SCIN: variants seen among roughly 807,000 people sequenced by gnomAD.
SCIN encodes adseverin.
A neutral mutation model predicts 91.8 loss-of-function variants in SCIN; 91 were observed. That is an observed-to-expected ratio of 0.99 (90% CI 0.84 to 1.18). SCIN has a LOEUF of 1.18. SCIN is among the 50% of genes most tolerant of loss of function. The pLI, the probability that SCIN is intolerant of heterozygous loss-of-function variation, is 0.00. For synonymous variants in SCIN, 367 were observed against 312.6 expected (o/e 1.17, Z -1.84); for missense variants, 1,087 against 863.9 (o/e 1.26, Z -3.24).
At chr7:12,587,946 G>A (rs1031056615) in intron 3 of SCIN, among the ~76,000 whole-genome samples, 5 of 152,140 alleles carry the variant, frequency 3.3e-5, no homozygotes, top group Non-Finnish European at 4.4e-5. Flanking sequence ...ACCAGCTTTC[G>A]AAACAGCATC....
intron 2 of SCIN, among the ~76,000 whole-genome samples, chr7:12,579,865 G>A (rs1208569084): frequency 6.6e-6 from 1 of 152,152 alleles, no homozygotes; most frequent in Non-Finnish European, 1.5e-5. Context: ...AGTGAGGCGA[G>A]GTCATGCCAT....
chr7:12,602,015 G>T (rs182101758), intron 3 of SCIN, among the ~76,000 whole-genome samples: 1 of 152,276 alleles, frequency 6.6e-6, no homozygotes, highest in African/African-American at 2.4e-5. Flanking sequence ...CTTAATCTCA[G>T]GGTCCTGGGT....
At position 12,625,084 on chromosome 7, in the gene SCIN, G is replaced by A; in HGVS notation, c.834G>A (p.Leu278=). Residue 278 remains leucine (L), a synonymous_variant, in exon 6 of 16, where the codon CTG becomes CTA. Coordinates refer to ENST00000297029, the MANE Select transcript of SCIN (RefSeq NM_001112706.3). The stretch of plus-strand genomic sequence containing the variant: ...ACCCCTTCTCAATGGCAATGCTGCT[G>A]TCTGAAGAATGCTTTATTTTGGACC... ...EENPFSMAML[L]SEECFILDHG... 1.9e-6 allele frequency: 3 copies of A among 1,606,154 alleles called. No individual in the cohort carries two copies. The South Asian group carries it at 3.4e-5, about 18-fold the overall frequency.
intron 3 of SCIN, among the ~76,000 whole-genome samples, chr7:12,582,722 T>A (rs958287679): frequency 6.6e-6 from 1 of 152,098 alleles, no homozygotes; most frequent in Non-Finnish European, 1.5e-5. Flanking sequence ...ATACACATAC[T>A]GTTCCACCCT....
chr7:12,631,441 T>A (rs1783641301), intron 9 of SCIN, among the ~76,000 whole-genome samples: 1 of 152,206 alleles, frequency 6.6e-6, no homozygotes, highest in Non-Finnish European at 1.5e-5. Context: ...TAAATATTTG[T>A]ACCCTCTAGA....
chr7:12,651,957 G>A lies in SCIN; in HGVS notation c.2020+56G>A. The A allele has an allele frequency of 8.2e-7, 1 of 1,225,466 alleles. No individual in the cohort carries two copies. The highest frequency in any genetic ancestry group is 2.0e-5 in the Admixed American group (1 of 49,372). The allele number at this position is 1,225,466 out of a possible 1,614,324, so 75.9% of individuals were successfully genotyped here. On this transcript the variant is annotated intron_variant, in intron 15 of 15. Transcript: ENST00000297029. The surrounding 1 kb of genome is among the most constrained non-coding windows in gnomAD (Gnocchi z 5.9). Reference sequence around the variant, plus strand: ...TAACCGGGCACCATTATGACCGAGTGTCTGGCTTGCTCTTTGCCACCATGT... The same window carrying A: ...TAACCGGGCACCATTATGACCGAGTATCTGGCTTGCTCTTTGCCACCATGT...
intron 10 of SCIN, among the ~76,000 whole-genome samples, chr7:12,637,559 TGAGAC>T (rs1783776599): frequency 7.5e-6 from 1 of 133,478 alleles, no homozygotes; most frequent in Non-Finnish European, 1.6e-5. Flanking sequence ...GAGGAAGAAA[TGAGAC>T]AAGTAAGGAG....
At chr7:12,588,808 T>TGGGGGGGGG (rs1184493769) in intron 3 of SCIN, 1 of 7,974 alleles carries the variant, frequency 1.3e-4, no homozygotes, top group African/African-American at 1.2e-3. Flanking sequence ...CTGCATTGGG[T>TGGGGGGGGG]GGGGGGGGGG....
Position 12,644,643 on chromosome 7 carries a change from AC to A in SCIN, c.1822del (p.Gln608ArgfsTer33). ...KDYQTSPLLE[T>X]QAEDHPPRLY... Reference sequence around the variant, plus strand: ...CTACCAGACCTCACCACTACTGGAAACCCAGGCTGAAGACCATCCACCTCGG... The same window carrying A: ...CTACCAGACCTCACCACTACTGGAAACCAGGCTGAAGACCATCCACCTCGG... On this transcript the variant is annotated frameshift_variant, in exon 13 of 16. Coordinates refer to ENST00000297029, the MANE Select transcript of SCIN (RefSeq NM_001112706.3). LOFTEE classifies it high-confidence loss of function. 1 of 1,603,534 alleles carries A rather than the reference AC, an allele frequency of 6.2e-7. No homozygotes were observed. The highest frequency in any genetic ancestry group is 8.5e-7 in the Non-Finnish European group (1 of 1,174,728).
In SCIN at chr7:12,604,506, T is replaced by C. The variant is rs1783030132; in HGVS notation, c.517-8T>C. 1.3e-6 allele frequency: 2 copies of C among 1,551,328 alleles called. No homozygotes were observed. Among genetic ancestry groups the C allele is most frequent in the Admixed American group, 3.9e-5 (2 of 50,976 alleles). On this transcript the variant is annotated splice_polypyrimidine_tract_variant and splice_region_variant and intron_variant, in intron 3 of 15. Coordinates refer to ENST00000297029, the MANE Select transcript of SCIN (RefSeq NM_001112706.3). ...CTTAGGGTCAACAGATCTGTCTCTTTCTTTTAGGAAATTTATCAGTGGTGT... is the reference window on the plus strand; with the variant it reads ...CTTAGGGTCAACAGATCTGTCTCTTCCTTTTAGGAAATTTATCAGTGGTGT...
intron 3 of SCIN, among the ~76,000 whole-genome samples, chr7:12,588,118 C>G (rs112229839): frequency 6.6e-6 from 1 of 152,080 alleles, no homozygotes; most frequent in African/African-American, 2.4e-5. Context: ...TTGTCCTTAC[C>G]CCCAAAGTAA....
intron 4 of SCIN, among the ~76,000 whole-genome samples, chr7:12,620,986 A>G (rs953822364): frequency 6.6e-6 from 1 of 152,138 alleles, no homozygotes; most frequent in Non-Finnish European, 1.5e-5. Flanking sequence ...TTTCACATAC[A>G]AAGGATTACA....
intron 13 of SCIN, among the ~76,000 whole-genome samples, chr7:12,647,677 T>G (rs1013718754): frequency 6.6e-6 from 1 of 152,246 alleles, no homozygotes; most frequent in Non-Finnish European, 1.5e-5. Context: ...ATTATGTGAT[T>G]GGTGTATGTC....
intron 1 of SCIN, among the ~76,000 whole-genome samples, chr7:12,576,989 C>G (rs575207277): frequency 6.6e-6 from 1 of 152,258 alleles, no homozygotes; most frequent in African/African-American, 2.4e-5. Flanking sequence ...GTGAGTGCCC[C>G]TCCTGACTGT....
chr7:12,636,070 G>T lies in SCIN; in HGVS notation c.1345G>T (p.Glu449Ter), dbSNP rs763690742. 1.2e-6 allele frequency: 2 copies of T among 1,613,088 alleles called. No individual in the cohort carries two copies. Among genetic ancestry groups the T allele is most frequent in the Admixed American group, 3.3e-5 (2 of 59,924 alleles). Residue 449 changes from glutamate (E) to a stop codon, truncating the protein, a stop_gained, in exon 10 of 16, where the codon GAG becomes TAG. Transcript: ENST00000297029. LOFTEE classifies it high-confidence loss of function. The part of the protein sequence containing the change: ...TWQGANATRD[E>*]LTTSAFLTVQ... ...GCAAGGAGCAAATGCCACACGAGAT[G>T]AGCTGACAACATCTGCGTTCCTGAC... is the stretch of plus-strand genomic sequence containing the variant.
chr7:12,586,091 C>G (rs1782581320), intron 3 of SCIN, among the ~76,000 whole-genome samples: 2 of 152,180 alleles, frequency 1.3e-5, no homozygotes, highest in African/African-American at 4.8e-5. Context: ...GCCTTCCTCA[C>G]TCACTGTGTT....
chr7:12,581,244 G>A lies in SCIN; in HGVS notation c.516+23G>A, dbSNP rs555288771. 59 of 1,544,450 alleles carry A rather than the reference G, an allele frequency of 3.8e-5. No individual in the cohort carries two copies. The Admixed American group carries it at 7.0e-4, about 18-fold the overall frequency. On this transcript the variant is annotated intron_variant, in intron 3 of 15. Transcript: ENST00000297029. ...ACCGTAAGTTTCATATATACACATCGATGTCTAAAGAAAAGTGAATTGCTT... is the reference window on the plus strand; with the variant it reads ...ACCGTAAGTTTCATATATACACATCAATGTCTAAAGAAAAGTGAATTGCTT...
At chr7:12,617,955 T>C (rs1783332860) in intron 4 of SCIN, among the ~76,000 whole-genome samples, 1 of 152,140 alleles carries the variant, frequency 6.6e-6, no homozygotes, top group African/African-American at 2.4e-5. Flanking sequence ...TTCTGTGTTA[T>C]AGTAACTTGT....
At chr7:12,590,387 G>C (rs528345791) in intron 3 of SCIN, among the ~76,000 whole-genome samples, 7 of 152,078 alleles carry the variant, frequency 4.6e-5, no homozygotes, top group Admixed American at 1.3e-4. Context: ...AGAGCATATA[G>C]GACAGTTTGA....
Sources: allele counts gnomAD v4.1 joint callset (sites outside exome capture counted in the v4.1 genomes callset), GRCh38; gene constraint gnomAD v4.1.1; non-coding constraint Gnocchi (gnomAD v3.1); transcripts MANE v1.5; gene names NCBI Gene and HGNC (gene_info 2026-07-23, HGNC 2026-07-21).